The following TNS3 variants were observed in gnomAD, a reference collection of about 807,000 sequenced individuals.
TNS3 encodes the protein tensin 3.
In TNS3, 45 loss-of-function variants were observed where a neutral mutation model predicts 140.9. That is an observed-to-expected ratio of 0.32 (90% CI 0.25 to 0.41). The LOEUF (loss-of-function observed/expected upper bound fraction) is 0.41. Among genes scored for constraint, TNS3 ranks in the 10% least tolerant of loss-of-function variants. The pLI is 1.00. For missense variants in TNS3, 1,716 were observed against 1,906.7 expected, an observed-to-expected ratio of 0.90 and a Z score of 1.86; for synonymous variants, 815 against 788.4, an observed-to-expected ratio of 1.03 and a Z score of -0.56.
At chr7:47,518,254 G>A (rs1447629023) in intron 2 of TNS3, among the ~76,000 whole-genome samples, 3 of 152,206 alleles carry the variant, frequency 2.0e-5, no homozygotes, top group African/African-American at 7.2e-5. Context: ...TCCCATTCGA[G>A]ACAGAGCAGC....
rs78568130 is a variant in TNS3, at chr7:47,477,358, C to T, written c.-76+3745G>A. Among the ~76,000 whole-genome samples the T allele has an allele frequency of 2.9e-3, 437 of 152,282 alleles. 4 individuals are homozygous for T. The highest frequency in any genetic ancestry group is 0.01 in the African/African-American group (416 of 41,562). On this transcript the variant is annotated intron_variant, in intron 4 of 30. Transcript: ENST00000311160. Reference sequence around the variant, plus strand: ...CATGCCCCTCAGGTTAGCTGCAGAGCAGAGGAGGGCCTGGGGGTGGGTACA... The same window carrying T: ...CATGCCCCTCAGGTTAGCTGCAGAGTAGAGGAGGGCCTGGGGGTGGGTACA...
At position 47,303,261 on chromosome 7, in the gene TNS3, G is replaced by T. The variant is rs772231493; in HGVS notation, c.3146C>A (p.Pro1049Gln). 6.2e-7 allele frequency: 1 copy of T among 1,613,500 alleles called. No homozygotes were observed. The highest frequency in any genetic ancestry group is 8.5e-7 in the Non-Finnish European group (1 of 1,179,960). Residue 1049 changes from proline to glutamine, a missense_variant, in exon 22 of 31, where the codon CCG becomes CAG. By Grantham distance (76) the Pro-to-Gln change is moderately conservative (BLOSUM62 -1). Coordinates refer to ENST00000311160, the MANE Select transcript of TNS3 (RefSeq NM_022748.12). Reference sequence around the variant, plus strand: ...CGCTGTCAGCGGGATGCTGGGGGTCGGTGACGCTCCATGAGAATTGGCCAG... The same window carrying T: ...CGCTGTCAGCGGGATGCTGGGGGTCTGTGACGCTCCATGAGAATTGGCCAG... The part of the protein sequence containing the change: ...ALLANSHGAS[P>Q]TPSIPLTATG...
upstream of TNS3, chr7:47,582,432 G>A (rs1163057338): frequency 8.8e-6 from 4 of 456,518 alleles, no homozygotes; most frequent in East Asian, 6.9e-5. Flanking sequence ...AGTACCTGGG[G>A]AGGCGGGTTC....
intron 20 of TNS3, among the ~76,000 whole-genome samples, chr7:47,311,731 G>C (rs762500679): frequency 4.6e-5 from 7 of 152,096 alleles, no homozygotes; most frequent in Non-Finnish European, 7.4e-5. Flanking sequence ...TGGAGAAATT[G>C]AATGAGGCAG....
At chr7:47,413,513 G>T (rs1370572823) in intron 12 of TNS3, among the ~76,000 whole-genome samples, 1 of 151,804 alleles carries the variant, frequency 6.6e-6, no homozygotes, top group East Asian at 1.9e-4. Context: ...GCCGAGACGG[G>T]TAGATCACTT....
chr7:47,302,916 A>G, intron 22 of TNS3, 34 bp downstream of exon 22: 1 of 1,564,324 alleles, frequency 6.4e-7, no homozygotes, highest in Non-Finnish European at 8.7e-7. Flanking sequence ...GAATGGACAG[A>G]GGGGCCCTTC....
intron 1 of TNS3, among the ~76,000 whole-genome samples, chr7:47,581,257 C>A (rs1473040203): frequency 6.6e-6 from 1 of 152,032 alleles, no homozygotes; most frequent in Non-Finnish European, 1.5e-5. Context: ...TGCTTGTCAG[C>A]GACAGCTCCC....
intron 1 of TNS3, among the ~76,000 whole-genome samples, chr7:47,574,361 GT>G (rs1800623854): frequency 6.6e-6 from 1 of 151,950 alleles, no homozygotes. Flanking sequence ...TGCAGGCCTG[GT>G]TTTTACCCTG....
chr7:47,291,295 G>C (rs995074346), intron 27 of TNS3, among the ~76,000 whole-genome samples: 1 of 152,122 alleles, frequency 6.6e-6, no homozygotes, highest in Non-Finnish European at 1.5e-5. Flanking sequence ...TAGAATGCAT[G>C]ACATCAAGGT....
At position 47,407,278 on chromosome 7, in the gene TNS3, C is replaced by T. The variant is rs1793503078; in HGVS notation, c.723+4449G>A. Among the ~76,000 whole-genome samples the T allele has an allele frequency of 6.6e-6, 1 of 152,176 alleles. No individual in the cohort carries two copies. The highest frequency in any genetic ancestry group is 2.4e-5 in the African/African-American group (1 of 41,440). Reference sequence around the variant, plus strand: ...TGCTGTGAAGCCACTCCTTCTCTGACACGCTGGAAATCATCTCTCCCACCT... The same window carrying T: ...TGCTGTGAAGCCACTCCTTCTCTGATACGCTGGAAATCATCTCTCCCACCT... On this transcript the variant is annotated intron_variant, in intron 13 of 30. Transcript: ENST00000311160. The surrounding 1 kb of genome is among the most constrained non-coding windows in gnomAD (Gnocchi z 4.1).
intron 20 of TNS3, among the ~76,000 whole-genome samples, chr7:47,336,798 C>G (rs1490548734): frequency 6.6e-6 from 1 of 152,126 alleles, no homozygotes; most frequent in African/African-American, 2.4e-5. Context: ...CCCAAAGGAC[C>G]TGGAGAGAAA....
intron 20 of TNS3, among the ~76,000 whole-genome samples, chr7:47,339,400 G>A (rs552224591): frequency 6.4e-4 from 98 of 152,126 alleles, no homozygotes; most frequent in Admixed American, 9.8e-4. Context: ...GCTGTTCATT[G>A]TTTTGCCTGT....
At chr7:47,373,816 A>G (rs1307204438) in intron 16 of TNS3, among the ~76,000 whole-genome samples, 1 of 152,228 alleles carries the variant, frequency 6.6e-6, no homozygotes, top group Non-Finnish European at 1.5e-5. Flanking sequence ...ACACATGACA[A>G]AATGTGGGGA....
chr7:47,311,737 G>T (rs1787116526), intron 20 of TNS3, among the ~76,000 whole-genome samples: 1 of 152,000 alleles, frequency 6.6e-6, no homozygotes, highest in Non-Finnish European at 1.5e-5. Flanking sequence ...AATTGAATGA[G>T]GCAGAGGCAA....
chr7:47,551,688 C>T (rs1349627313), intron 1 of TNS3, among the ~76,000 whole-genome samples: 2 of 152,214 alleles, frequency 1.3e-5, no homozygotes, highest in African/African-American at 4.8e-5. Flanking sequence ...TAAGTGTCCA[C>T]AGACAGGAGA....
intron 1 of TNS3, among the ~76,000 whole-genome samples, chr7:47,540,633 G>A (rs1323665390): frequency 6.6e-6 from 1 of 152,246 alleles, no homozygotes; most frequent in Non-Finnish European, 1.5e-5. Context: ...TCTACACGCA[G>A]TGTTAGGAGG....
At chr7:47,520,617 C>T (rs1261248925) in intron 2 of TNS3, among the ~76,000 whole-genome samples, 7 of 152,160 alleles carry the variant, frequency 4.6e-5, no homozygotes, top group African/African-American at 1.4e-4. Flanking sequence ...CGTGTGGAGG[C>T]GGCTGAGAAA....
At chr7:47,338,767 G>T (rs2462641) in intron 20 of TNS3, among the ~76,000 whole-genome samples, 147,758 of 152,306 alleles carry the variant, frequency 0.97, 71,750 homozygotes, top group Non-Finnish European at 0.99. Context: ...GTTGAGTCCA[G>T]GTCTTTGCTA....
At chr7:47,478,954 CAG>C (rs1491274136) in intron 4 of TNS3, among the ~76,000 whole-genome samples, 167 of 151,840 alleles carry the variant, frequency 1.1e-3, no homozygotes, top group Non-Finnish European at 1.2e-3. Context: ...CACACACACA[CAG>C]AGCAGCAGCA....
Sources: gnomAD v4.1 joint callset for allele counts (sites outside exome capture counted in the v4.1 genomes callset) on GRCh38, gnomAD v4.1.1 for gene constraint, Gnocchi (gnomAD v3.1) non-coding constraint, MANE v1.5 for transcripts, NCBI Gene and HGNC (gene_info 2026-07-23, HGNC 2026-07-21) for gene names.